NOL10: variants seen among roughly 807,000 people sequenced by gnomAD.
NOL10 encodes the protein nucleolar protein 10, also known as H_NH0074G24.1.
NOL10 carries 58 observed loss-of-function variants against 103.5 expected under a neutral mutation model. The observed-to-expected ratio is 0.56, with a 90% CI of 0.45 to 0.70. The LOEUF is 0.70. Ranked by LOEUF, NOL10 falls within the 30% of genes least tolerant of loss-of-function variation. The probability of loss-of-function intolerance (pLI) is 0.00; values close to 1 mark genes in which losing one functional copy is unlikely to be tolerated. For missense variants in NOL10, 763 were observed against 807.3 expected (o/e 0.95, Z 0.67); for synonymous variants, 287 against 282.5 (o/e 1.02, Z -0.16).
At chr2:10,686,325 G>T (rs1317367569) in intron 1 of NOL10, among the ~76,000 whole-genome samples, 1 of 152,214 alleles carries the variant, frequency 6.6e-6, no homozygotes, top group Non-Finnish European at 1.5e-5. Context: ...AGGCAGGCAG[G>T]ACCTGTGCCA....
intron 1 of NOL10, among the ~76,000 whole-genome samples, chr2:10,689,026 C>G (rs1682419621): frequency 6.6e-6 from 1 of 152,194 alleles, no homozygotes; most frequent in Non-Finnish European, 1.5e-5. Flanking sequence ...CTAACAAGTG[C>G]AGAGTCTCAA....
At chr2:10,575,883 G>A (rs1314544945) in intron 20 of NOL10, among the ~76,000 whole-genome samples, 2 of 152,180 alleles carry the variant, frequency 1.3e-5, no homozygotes, top group South Asian at 2.1e-4. Context: ...GGCACAATGA[G>A]GTCCCTCTGA....
rs201821760 is a variant in NOL10 at position 10,591,983 on chromosome 2, CAG to C, written c.1423-2234_1423-2233del. ...ACACCATGTACTCCAGCCTGCGTAACAGAGAGACCTTGTCACAAACAAACAAA... is the reference window on the plus strand; with the variant it reads ...ACACCATGTACTCCAGCCTGCGTAACAGAGACCTTGTCACAAACAAACAAA... On this transcript the variant is annotated intron_variant, in intron 17 of 20. Transcript: ENST00000381685. Among the ~76,000 whole-genome samples the C allele has an allele frequency of 5.2e-4, 76 of 146,496 alleles. 2 individuals are homozygous for C. The East Asian group carries it at 0.014, about 26-fold the overall frequency.
At chr2:10,631,691 T>C (rs1248845679) in intron 13 of NOL10, among the ~76,000 whole-genome samples, 3 of 150,948 alleles carry the variant, frequency 2.0e-5, no homozygotes, top group Non-Finnish European at 4.4e-5. Context: ...AATTATACTC[T>C]GGCACACATG....
chr2:10,687,274 C>T (rs1247665240), intron 1 of NOL10, among the ~76,000 whole-genome samples: 1 of 152,196 alleles, frequency 6.6e-6, no homozygotes. Flanking sequence ...AGGTCAAGGG[C>T]GCTCTGCATC....
chr2:10,668,784 T>C, intron 6 of NOL10, 61 bp from the exon 7 acceptor site: 1 of 647,196 alleles, frequency 1.5e-6, no homozygotes, highest in Non-Finnish European at 2.5e-6. Context: ...TAAGTAAATA[T>C]AAATTTTATA....
rs1304720487 is a variant in NOL10 at position 10,572,209 on chromosome 2, T to C, written c.1948-19A>G. The C allele has an allele frequency of 1.2e-6, 2 of 1,613,352 alleles. No individual in the cohort carries two copies. The highest frequency in any genetic ancestry group is 3.3e-5 in the Admixed American group (2 of 59,902). On this transcript the variant is annotated intron_variant, in intron 20 of 20. Coordinates refer to ENST00000381685, the MANE Select transcript of NOL10 (RefSeq NM_024894.4). Reference sequence around the variant, plus strand: ...GTTCAGACTAAAAGAGAAAATGAAATGAGTAGAGGGAAAGAGAGAAAATTC... The same window carrying C: ...GTTCAGACTAAAAGAGAAAATGAAACGAGTAGAGGGAAAGAGAGAAAATTC...
intron 9 of NOL10, among the ~76,000 whole-genome samples, chr2:10,660,031 C>T (rs1558332027): frequency 6.6e-6 from 1 of 152,150 alleles, no homozygotes; most frequent in Non-Finnish European, 1.5e-5. Context: ...AAGCAATGAT[C>T]TCCAGTGGAA....
At chr2:10,671,731 G>T in intron 5 of NOL10, 41 bp from the exon 6 acceptor site, 1 of 1,469,078 alleles carries the variant, frequency 6.8e-7, no homozygotes. Context: ...TAGGTTTCTA[G>T]TTAGGTGTTT....
At chr2:10,683,451 GA>G (rs1681923401) in intron 2 of NOL10, among the ~76,000 whole-genome samples, 1 of 152,072 alleles carries the variant, frequency 6.6e-6, no homozygotes, top group African/African-American at 2.4e-5. Flanking sequence ...CTGATAAATG[GA>G]TTTAATTTAC....
chr2:10,664,231 G>C (rs972400242), intron 8 of NOL10, among the ~76,000 whole-genome samples: 2 of 151,894 alleles, frequency 1.3e-5, no homozygotes, highest in Non-Finnish European at 2.9e-5. Flanking sequence ...AGGAGTTCGA[G>C]ACCAGCCTGG....
chr2:10,610,728 T>C (rs1464857845), intron 13 of NOL10, among the ~76,000 whole-genome samples: 1 of 152,204 alleles, frequency 6.6e-6, no homozygotes, highest in Non-Finnish European at 1.5e-5. Context: ...ACAGCGTCAA[T>C]GTGTAAAATG....
At chr2:10,680,654 A>C (rs1681692225) in intron 3 of NOL10, among the ~76,000 whole-genome samples, 1 of 152,286 alleles carries the variant, frequency 6.6e-6, no homozygotes, top group Non-Finnish European at 1.5e-5. Context: ...ACTGAAGGCT[A>C]AGAGATGTAG....
intron 2 of NOL10, among the ~76,000 whole-genome samples, chr2:10,683,466 A>G (rs1383253690): frequency 1.3e-5 from 2 of 152,168 alleles, no homozygotes; most frequent in African/African-American, 2.4e-5. Context: ...AATTTACACG[A>G]TAAGATTTTG....
intron 17 of NOL10, among the ~76,000 whole-genome samples, chr2:10,595,955 A>G (rs534151228): frequency 3.3e-5 from 5 of 152,300 alleles, no homozygotes; most frequent in African/African-American, 7.2e-5. Context: ...CTATGCATGT[A>G]TAACTGTAAT....
chr2:10,577,512 G>A (rs1674514756), intron 20 of NOL10, 124 bp downstream of exon 20: 7 of 701,984 alleles, frequency 1.0e-5, no homozygotes, highest in Middle Eastern at 2.6e-4. Flanking sequence ...GTTAGAACAG[G>A]GAACACAGCT....
At position 10,623,859 on chromosome 2, in the gene NOL10, G is replaced by T. The variant is rs147868896; in HGVS notation, c.1027-16548C>A. Among the ~76,000 whole-genome samples, 397 of 152,276 alleles carry T rather than the reference G, an allele frequency of 2.6e-3. 2 individuals carry two copies. The highest frequency in any genetic ancestry group is 0.01 in the Middle Eastern group (3 of 294). On this transcript the variant is annotated intron_variant, in intron 13 of 20. Coordinates refer to ENST00000381685, the MANE Select transcript of NOL10 (RefSeq NM_024894.4). ...AATAAGATACTATACGCTATAAATC[G>T]ATTAGAATGGCTAAAACGCAAAAAC... is the stretch of plus-strand genomic sequence containing the variant.
chr2:10,637,050 A>T (rs1678281916), intron 13 of NOL10, among the ~76,000 whole-genome samples: 1 of 151,980 alleles, frequency 6.6e-6, no homozygotes, highest in Non-Finnish European at 1.5e-5. Flanking sequence ...AAAAATACAA[A>T]AATTAGTCAG....
chr2:10,656,600 G>T (rs77438978), intron 11 of NOL10, among the ~76,000 whole-genome samples: 1,796 of 152,286 alleles, frequency 0.012, 9 homozygotes, highest in Non-Finnish European at 0.016. Context: ...CAAAGTAACA[G>T]CCCAGAAAGC....
Sources: allele counts gnomAD v4.1 joint callset (sites outside exome capture counted in the v4.1 genomes callset), GRCh38; gene constraint gnomAD v4.1.1; transcripts MANE v1.5; gene names NCBI Gene and HGNC (gene_info 2026-07-23, HGNC 2026-07-21).